The following MAP4K5 variants were observed in gnomAD, a reference collection of about 807,000 sequenced individuals.
The protein encoded by MAP4K5 is MAPK/ERK kinase kinase kinase 5.
In MAP4K5, 82 loss-of-function variants were observed where a neutral mutation model predicts 135.6. That is an observed-to-expected ratio of 0.60 (90% CI 0.51 to 0.73). The LOEUF (loss-of-function observed/expected upper bound fraction) is 0.73. MAP4K5 is among the 30% of genes least tolerant of loss of function. The probability of loss-of-function intolerance (pLI) is 0.00; values close to 1 mark genes in which losing one functional copy is unlikely to be tolerated. For missense variants in MAP4K5, 907 were observed against 1,010.9 expected, an observed-to-expected ratio of 0.90 and a Z score of 1.39; for synonymous variants, 347 against 335.0, an observed-to-expected ratio of 1.04 and a Z score of -0.39.
intron 3 of MAP4K5, among the ~76,000 whole-genome samples, chr14:50,489,887 C>CT (rs2037443633): frequency 6.6e-6 from 1 of 152,196 alleles, no homozygotes; most frequent in African/African-American, 2.4e-5. Context: ...AGATGTCCTA[C>CT]TGGAAACCTG....
intron 3 of MAP4K5, among the ~76,000 whole-genome samples, chr14:50,490,619 A>C (rs2037463307): frequency 6.6e-6 from 1 of 152,196 alleles, no homozygotes; most frequent in South Asian, 2.1e-4. Context: ...CCTTCTGCCT[A>C]GCAGGCACAC....
At chr14:50,469,764 G>C (rs2036915315) in intron 9 of MAP4K5, among the ~76,000 whole-genome samples, 1 of 152,168 alleles carries the variant, frequency 6.6e-6, no homozygotes, top group Non-Finnish European at 1.5e-5. Flanking sequence ...CAGCACTGTA[G>C]AAGGCCTCTG....
intron 1 of MAP4K5, among the ~76,000 whole-genome samples, chr14:50,558,752 A>G (rs1334567812): frequency 6.6e-6 from 1 of 152,230 alleles, no homozygotes; most frequent in Non-Finnish European, 1.5e-5. Context: ...GAATATAAGA[A>G]GAAAAGCAGA....
chr14:50,522,343 C>CT (rs1212521203), intron 2 of MAP4K5, among the ~76,000 whole-genome samples: 2 of 152,104 alleles, frequency 1.3e-5, no homozygotes, highest in Admixed American at 1.3e-4. Flanking sequence ...CTTTTTACTT[C>CT]TTTTACAGTT....
intron 9 of MAP4K5, among the ~76,000 whole-genome samples, chr14:50,471,122 T>C (rs1316892007): frequency 6.6e-6 from 1 of 152,204 alleles, no homozygotes; most frequent in African/African-American, 2.4e-5. Flanking sequence ...ATCACCTTGG[T>C]ATTAATATTA....
intron 1 of MAP4K5, among the ~76,000 whole-genome samples, chr14:50,547,944 C>G (rs778836062): frequency 1.3e-5 from 2 of 152,188 alleles, no homozygotes; most frequent in Non-Finnish European, 2.9e-5. Flanking sequence ...TAGTACCTAT[C>G]TAGACTCTCT....
intron 2 of MAP4K5, among the ~76,000 whole-genome samples, chr14:50,514,112 C>G (rs1468736443): frequency 6.6e-6 from 1 of 152,166 alleles, no homozygotes; most frequent in Non-Finnish European, 1.5e-5. Context: ...GAGTCTTGCT[C>G]TGTCACCCAG....
chr14:50,520,820 C>CTT (rs139101824), intron 2 of MAP4K5, among the ~76,000 whole-genome samples: 6 of 107,934 alleles, frequency 5.6e-5, no homozygotes, highest in African/African-American at 9.5e-5. Context: ...GCAAAGTCAT[C>CTT]TTTTTTTTTT....
intron 5 of MAP4K5, among the ~76,000 whole-genome samples, chr14:50,484,722 C>T (rs777549195): frequency 6.6e-6 from 1 of 152,204 alleles, no homozygotes; most frequent in East Asian, 1.9e-4. Context: ...TATTGATTGA[C>T]ATTTTAAAAC....
chr14:50,482,055 A>C (rs1595495953), intron 6 of MAP4K5, among the ~76,000 whole-genome samples: 1 of 152,358 alleles, frequency 6.6e-6, no homozygotes, highest in African/African-American at 2.4e-5. Flanking sequence ...CTGAGGGCCA[A>C]GTGCTATAAA....
intron 32 of MAP4K5, among the ~76,000 whole-genome samples, chr14:50,420,866 TTCAA>T (rs1407694094): frequency 8.6e-5 from 13 of 150,848 alleles, no homozygotes; most frequent in African/African-American, 3.2e-4. Context: ...GGAGAAAGAG[TTCAA>T]TCAAAGGACT....
intron 1 of MAP4K5, among the ~76,000 whole-genome samples, chr14:50,552,429 T>C (rs2038714162): frequency 6.6e-6 from 1 of 152,192 alleles, no homozygotes; most frequent in African/African-American, 2.4e-5. Context: ...ATTGTGAACA[T>C]GACCATACTG....
intron 13 of MAP4K5, among the ~76,000 whole-genome samples, chr14:50,458,841 C>T (rs1311893924): frequency 6.6e-6 from 1 of 152,104 alleles, no homozygotes; most frequent in Non-Finnish European, 1.5e-5. Context: ...CAGGGTCTTG[C>T]TCTGTCACCC....
In MAP4K5 at chr14:50,560,816, G is replaced by A. The variant is rs2038833263; in HGVS notation, c.-180+224C>T. Among the ~76,000 whole-genome samples, 3 of 152,310 alleles carry A rather than the reference G, an allele frequency of 2.0e-5. No individual in the cohort carries two copies. In the South Asian group the frequency reaches 6.2e-4, roughly 32 times the overall value. On this transcript the variant is annotated intron_variant, in intron 1 of 8. Transcript: ENST00000555216. ...GGGCGGCGCGCTGGAACAATGAGGC[G>A]GAGCGCGCCGGGTCCCGGACGGACG...
intron 2 of MAP4K5, among the ~76,000 whole-genome samples, chr14:50,542,163 A>T (rs1000821821): frequency 6.6e-6 from 1 of 151,672 alleles, no homozygotes; most frequent in East Asian, 1.9e-4. Flanking sequence ...TAACTATGTG[A>T]CATTAACTGC....
chr14:50,434,517 G>C lies in MAP4K5; in HGVS notation c.2041C>G (p.Pro681Ala). The change falls in exon 28 of 33, where the codon CCT becomes GCT. Residue 681 changes from proline (P) to alanine (A), a missense_variant. Pro to Ala is a conservative substitution (Grantham distance 27, BLOSUM62 -1). This residue lies in a region of MAP4K5 where 690 missense variants were observed against 777.4 expected (regional missense o/e 0.89). Transcript: ENST00000682126. ...PLNVFEMLVI[P>A]EQEYPMVCVA... is the part of the protein sequence containing the mutation. ...CAGACCATAGGGTATTCCTGTTCAG[G>C]TATCACCAGCATTTCAAAAACATTC... 1 of 1,605,404 alleles carries C rather than the reference G, an allele frequency of 6.2e-7. No individual in the cohort carries two copies. The highest frequency in any genetic ancestry group is 8.5e-7 in the Non-Finnish European group (1 of 1,175,750).
chr14:50,497,878 T>C (rs1236383553), intron 3 of MAP4K5, among the ~76,000 whole-genome samples: 2 of 151,986 alleles, frequency 1.3e-5, no homozygotes, highest in Non-Finnish European at 2.9e-5. Flanking sequence ...TTAATCATCC[T>C]GGGTAGTGAT....
intron 1 of MAP4K5, among the ~76,000 whole-genome samples, chr14:50,552,061 G>A (rs2038709174): frequency 6.6e-6 from 1 of 152,168 alleles, no homozygotes; most frequent in Admixed American, 6.5e-5. Flanking sequence ...TGGAAAAGAG[G>A]AAGTCAAACT....
intron 5 of MAP4K5, chr14:50,483,213 G>A (rs557378271): frequency 6.6e-6 from 1 of 152,226 alleles, no homozygotes; most frequent in African/African-American, 2.4e-5. Flanking sequence ...CAAAAGAGAG[G>A]CTTGATCCAG....
Sources: allele counts gnomAD v4.1 joint callset (sites outside exome capture counted in the v4.1 genomes callset), GRCh38; gene constraint gnomAD v4.1.1; regional missense constraint gnomAD v4.1.1; transcripts MANE v1.5; gene names NCBI Gene and HGNC (gene_info 2026-07-23, HGNC 2026-07-21).